TGFB2: variants seen among roughly 807,000 people sequenced by gnomAD.
TGFB2 encodes the protein transforming growth factor beta-2 proprotein.
In TGFB2, 13 loss-of-function variants were observed where a neutral mutation model predicts 42.7. The observed-to-expected ratio is 0.30, with a 90% CI of 0.20 to 0.48. The LOEUF is 0.48. Among genes scored for constraint, TGFB2 ranks in the 20% least tolerant of loss-of-function variants. The probability of loss-of-function intolerance (pLI) is 0.99; values close to 1 mark genes in which losing one functional copy is unlikely to be tolerated. For missense variants in TGFB2, 390 were observed against 517.5 expected (o/e 0.75, Z 2.39); for synonymous variants, 193 against 193.6 (o/e 1.00, Z 0.03).
intron 1 of TGFB2, among the ~76,000 whole-genome samples, chr1:218,372,225 G>T (rs1380020710): frequency 6.6e-6 from 1 of 152,212 alleles, no homozygotes; most frequent in Admixed American, 6.5e-5. Context: ...TTGCCCTGTT[G>T]TGTGTATGAT....
chr1:218,395,883 G>A (rs1056392889), intron 1 of TGFB2, among the ~76,000 whole-genome samples: 83 of 152,160 alleles, frequency 5.5e-4, no homozygotes, highest in African/African-American at 1.9e-3. Context: ...CAAAGTGCTG[G>A]GATTACAGGT....
At position 218,443,954 on chromosome 1, in the gene TGFB2, GT is replaced by G. The variant is rs1386446328; in HGVS notation, c.*2597del. ...CTGTATTTTAACACGATGTATGTCT[GT>G]TTTTGTGGTGCTCTAGTGGTAAATA... is the stretch of plus-strand genomic sequence containing the variant. On this transcript the variant is annotated 3_prime_UTR_variant, in exon 7 of 7. Coordinates refer to ENST00000366930, the MANE Select transcript of TGFB2 (RefSeq NM_003238.6). The G allele has an allele frequency of 6.6e-6, 1 of 152,092 alleles. No homozygotes were observed. The highest frequency in any genetic ancestry group is 2.1e-4 in the South Asian group (1 of 4,820). 9.4% of individuals were successfully genotyped at this position (152,092 alleles called of 1,614,324 possible).
At chr1:218,428,323 G>A (rs1458323305) in intron 2 of TGFB2, among the ~76,000 whole-genome samples, 2 of 152,190 alleles carry the variant, frequency 1.3e-5, no homozygotes, top group South Asian at 2.1e-4. Context: ...TTGCTGTGCA[G>A]AAGCTCTTTA....
intron 1 of TGFB2, among the ~76,000 whole-genome samples, chr1:218,357,793 C>T (rs548989346): frequency 1.2e-4 from 19 of 152,326 alleles, no homozygotes; most frequent in East Asian, 7.7e-4. Context: ...GCCTTCCAAG[C>T]TATCTATATG....
intron 1 of TGFB2, among the ~76,000 whole-genome samples, chr1:218,399,028 C>T (rs1440953591): frequency 6.6e-6 from 1 of 152,172 alleles, no homozygotes; most frequent in Non-Finnish European, 1.5e-5. Context: ...GAGTTACAGG[C>T]ACATGCCACA....
chr1:218,349,117 G>A (rs1656787354), intron 1 of TGFB2, among the ~76,000 whole-genome samples: 1 of 152,070 alleles, frequency 6.6e-6, no homozygotes, highest in African/African-American at 2.4e-5. Flanking sequence ...CCAAATAAAT[G>A]AAAACCTCCG....
intron 1 of TGFB2, among the ~76,000 whole-genome samples, chr1:218,369,262 A>G: frequency 1.7e-5 from 1 of 58,906 alleles, no homozygotes; most frequent in African/African-American, 8.7e-5. Flanking sequence ...CTCAGAAAAA[A>G]AAAAAAAAAA....
chr1:218,388,768 CA>C (rs1332534572), intron 1 of TGFB2, among the ~76,000 whole-genome samples: 1 of 152,218 alleles, frequency 6.6e-6, no homozygotes, highest in Non-Finnish European at 1.5e-5. Context: ...CCGCTCTCAG[CA>C]CTAGTAATAA....
At chr1:218,348,631 C>A (rs571495546) in intron 1 of TGFB2, among the ~76,000 whole-genome samples, 2 of 152,276 alleles carry the variant, frequency 1.3e-5, no homozygotes, top group South Asian at 2.1e-4. Context: ...CTGGTTATCC[C>A]CTTTGGGAAG....
chr1:218,366,078 C>T (rs1361369720), intron 1 of TGFB2, among the ~76,000 whole-genome samples: 1 of 152,174 alleles, frequency 6.6e-6, no homozygotes, highest in Non-Finnish European at 1.5e-5. Flanking sequence ...TCATTTTTCT[C>T]TTTTCAAGCT....
intron 2 of TGFB2, among the ~76,000 whole-genome samples, chr1:218,431,735 T>C (rs184177866): frequency 1.2e-4 from 19 of 152,354 alleles, no homozygotes; most frequent in Middle Eastern, 3.4e-3. Flanking sequence ...GTTCTGTGAA[T>C]GTTACCAGTT....
At chr1:218,423,327 A>G (rs984135633) in intron 2 of TGFB2, among the ~76,000 whole-genome samples, 1 of 152,158 alleles carries the variant, frequency 6.6e-6, no homozygotes, top group African/African-American at 2.4e-5. Context: ...ATTGGAGGAA[A>G]TGGACATTTC....
chr1:218,404,034 A>C (rs1658820357), intron 1 of TGFB2, among the ~76,000 whole-genome samples: 1 of 145,782 alleles, frequency 6.9e-6, no homozygotes, highest in Non-Finnish European at 1.5e-5. Flanking sequence ...TGCATATTCA[A>C]AGACATTGGC....
intron 2 of TGFB2, among the ~76,000 whole-genome samples, chr1:218,408,610 C>T (rs1325454508): frequency 2.0e-5 from 3 of 152,094 alleles, no homozygotes; most frequent in Non-Finnish European, 2.9e-5. Context: ...CTTGAACACC[C>T]GAAGAGAAGA....
Position 218,434,118 on chromosome 1 carries a change from C to T in TGFB2, c.547C>T (p.Arg183Cys), listed in dbSNP as rs1436552875. The T allele has an allele frequency of 6.2e-6, 10 of 1,614,040 alleles. No homozygotes were observed. Among genetic ancestry groups the T allele is most frequent in the Non-Finnish European group, 5.9e-6 (7 of 1,180,016 alleles). Residue 183 changes from arginine to cysteine, a missense_variant, in exon 3 of 7, where the codon CGC (arginine) becomes TGC (cysteine). Physicochemically the swap from Arg to Cys is radical, Grantham distance 180 (BLOSUM62 -3). Coordinates refer to ENST00000366930, the MANE Select transcript of TGFB2 (RefSeq NM_003238.6). ...KSKDLTSPTQRYIDSKVVKTR... is the reference protein window; with the variant it reads ...KSKDLTSPTQCYIDSKVVKTR... ...CAAAGATTTAACATCTCCAACCCAGCGCTACATCGACAGCAAAGTTGTGAA... is the reference window on the plus strand; with the variant it reads ...CAAAGATTTAACATCTCCAACCCAGTGCTACATCGACAGCAAAGTTGTGAA...
chr1:218,385,412 G>A (rs566596860), intron 1 of TGFB2, among the ~76,000 whole-genome samples: 5 of 152,154 alleles, frequency 3.3e-5, no homozygotes, highest in Admixed American at 2.0e-4. Flanking sequence ...TGTGATCACC[G>A]GTTCACAGAG....
intron 1 of TGFB2, among the ~76,000 whole-genome samples, chr1:218,365,749 G>A (rs1013358441): frequency 1.3e-5 from 2 of 152,048 alleles, no homozygotes; most frequent in Admixed American, 1.3e-4. Flanking sequence ...AGGCATCCAG[G>A]GTCAGGGTGA....
intron 1 of TGFB2, among the ~76,000 whole-genome samples, chr1:218,370,410 T>G (rs911822086): frequency 6.6e-6 from 1 of 152,206 alleles, no homozygotes; most frequent in Non-Finnish European, 1.5e-5. Flanking sequence ...CTTAGTGTGG[T>G]CTTTGAAAAA....
chr1:218,430,779 A>G (rs1401894091), intron 2 of TGFB2, among the ~76,000 whole-genome samples: 4 of 152,248 alleles, frequency 2.6e-5, no homozygotes, highest in Non-Finnish European at 5.9e-5. Flanking sequence ...AAAATCATGA[A>G]GCTGTAGGAG....
Sources: allele counts gnomAD v4.1 joint callset (sites outside exome capture counted in the v4.1 genomes callset), GRCh38; gene constraint gnomAD v4.1.1; transcripts MANE v1.5; gene names NCBI Gene and HGNC (gene_info 2026-07-23, HGNC 2026-07-21).